ZNF385D: variants seen among roughly 807,000 people sequenced by gnomAD.
ZNF385D encodes zinc finger protein 385D.
ZNF385D carries 15 observed loss-of-function variants against 35.8 expected under a neutral mutation model. That is an observed-to-expected ratio of 0.42 (90% confidence interval 0.28 to 0.64). The LOEUF (loss-of-function observed/expected upper bound fraction) is 0.64, where lower values mean the gene tolerates loss of function less well. Ranked by LOEUF, ZNF385D falls within the 30% of genes least tolerant of loss-of-function variation. The pLI is 0.23. For missense variants in ZNF385D, 474 were observed against 494.6 expected, an observed-to-expected ratio of 0.96 and a Z score of 0.39; for synonymous variants, 212 against 186.8, an observed-to-expected ratio of 1.13 and a Z score of -1.10.
chr3:22,335,016 A>C (rs184323842), intron 2 of ZNF385D, among the ~76,000 whole-genome samples: 1 of 152,318 alleles, frequency 6.6e-6, no homozygotes, highest in Admixed American at 6.5e-5. Context: ...GTAGCATTCT[A>C]TGAGCCAAGT....
chr3:21,472,265 A>G (rs1703941797), intron 4 of ZNF385D, among the ~76,000 whole-genome samples: 1 of 152,180 alleles, frequency 6.6e-6, no homozygotes, highest in African/African-American at 2.4e-5. Flanking sequence ...ATTTAGAAGC[A>G]TAACAAGAAA....
In ZNF385D at chr3:21,444,046, G is replaced by C. The variant is rs182844671; in HGVS notation, c.440-6843C>G. Reference sequence around the variant, plus strand: ...TGAAAAATATTAAGGCAGAAGCAGAGCCCATTTAAAAAATTTAACTTCTGG... The same window carrying C: ...TGAAAAATATTAAGGCAGAAGCAGACCCCATTTAAAAAATTTAACTTCTGG... On this transcript the variant is annotated intron_variant, in intron 4 of 7. Coordinates refer to ENST00000281523, the MANE Select transcript of ZNF385D (RefSeq NM_024697.3). 3.1e-4 allele frequency among the ~76,000 whole-genome samples: 46 copies of C among 150,478 alleles called. 1 individual carries two copies. Among genetic ancestry groups the C allele is most frequent in the South Asian group, 1.3e-3 (6 of 4,724 alleles).
At chr3:21,946,648 A>C (rs1701801790) in intron 3 of ZNF385D, among the ~76,000 whole-genome samples, 1 of 152,058 alleles carries the variant, frequency 6.6e-6, no homozygotes. Context: ...CCTGGCTAAC[A>C]AGGTGAAACT....
At chr3:22,161,745 G>C (rs190828043) in intron 3 of ZNF385D, among the ~76,000 whole-genome samples, 2 of 152,264 alleles carry the variant, frequency 1.3e-5, no homozygotes, top group Admixed American at 6.5e-5. Context: ...TCAGCAGTTA[G>C]AGTTGTTGAT....
chr3:21,699,401 T>G (rs946709271), intron 1 of ZNF385D, among the ~76,000 whole-genome samples: 10 of 152,072 alleles, frequency 6.6e-5, no homozygotes, highest in African/African-American at 2.4e-4. Context: ...GACAGGTTGA[T>G]GGGTGCAGCA....
chr3:22,190,423 C>G (rs923193236), intron 2 of ZNF385D, among the ~76,000 whole-genome samples: 1 of 152,114 alleles, frequency 6.6e-6, no homozygotes, highest in Non-Finnish European at 1.5e-5. Context: ...ACCTTAATTG[C>G]ATTTCAAATG....
intron 1 of ZNF385D, among the ~76,000 whole-genome samples, chr3:21,744,725 C>A (rs1279703041): frequency 6.6e-6 from 1 of 151,986 alleles, no homozygotes; most frequent in Non-Finnish European, 1.5e-5. Context: ...AGAGTTAACA[C>A]CGGCTTTACA....
intron 4 of ZNF385D, among the ~76,000 whole-genome samples, chr3:21,445,995 C>T (rs1172558938): frequency 6.6e-6 from 1 of 152,180 alleles, no homozygotes; most frequent in Non-Finnish European, 1.5e-5. Context: ...CAAAAAGAAT[C>T]CTATTAGTAT....
intron 1 of ZNF385D, among the ~76,000 whole-genome samples, chr3:21,732,116 G>A (rs1158347313): frequency 4.5e-5 from 6 of 132,708 alleles, no homozygotes; most frequent in East Asian, 4.7e-4. Flanking sequence ...GTGCAGTGGC[G>A]CGAGCTCACT....
intron 3 of ZNF385D, among the ~76,000 whole-genome samples, chr3:22,016,221 G>A (rs899280032): frequency 6.6e-6 from 1 of 152,050 alleles, no homozygotes; most frequent in African/African-American, 2.4e-5. Context: ...TGTTTTTGCT[G>A]TCACAGCAAG....
intron 3 of ZNF385D, among the ~76,000 whole-genome samples, chr3:21,544,927 A>G (rs1313091829): frequency 2.0e-5 from 3 of 152,218 alleles, no homozygotes; most frequent in African/African-American, 7.2e-5. Context: ...CAGAAAAGAG[A>G]GGCAAACAGG....
At chr3:21,692,906 A>G (rs1212502119) in intron 1 of ZNF385D, among the ~76,000 whole-genome samples, 3 of 152,184 alleles carry the variant, frequency 2.0e-5, no homozygotes, top group Non-Finnish European at 2.9e-5. Context: ...TTATCCAGAC[A>G]TCTGTCAGCT....
chr3:21,967,163 G>A (rs567008214), intron 3 of ZNF385D, among the ~76,000 whole-genome samples: 2 of 152,074 alleles, frequency 1.3e-5, no homozygotes, highest in Non-Finnish European at 2.9e-5. Flanking sequence ...TGATGTAATG[G>A]TCATTACTTT....
intron 2 of ZNF385D, among the ~76,000 whole-genome samples, chr3:22,302,595 TATTAAA>T (rs749016820): frequency 1.2e-4 from 18 of 152,100 alleles, no homozygotes; most frequent in Admixed American, 2.6e-4. Context: ...TTTGCTCTCC[TATTAAA>T]ATTAAGAATA....
intron 2 of ZNF385D, among the ~76,000 whole-genome samples, chr3:22,288,073 T>C (rs1702117350): frequency 6.6e-6 from 1 of 152,036 alleles, no homozygotes; most frequent in South Asian, 2.1e-4. Flanking sequence ...TATTCTGAAA[T>C]ATCAAACCAC....
At position 21,939,157 on chromosome 3, in the gene ZNF385D, G is replaced by A. The variant is rs191530516; in HGVS notation, c.325+229660C>T. On this transcript the variant is annotated intron_variant, in intron 3 of 5. Coordinates refer to the ZNF385D transcript ENST00000494108. ...TGTCATTACTAGGGCAAGAATGGTG[G>A]TAAAGTCCCTATATTTGCCCACTGA... 2.4e-4 allele frequency among the ~76,000 whole-genome samples: 37 copies of A among 152,248 alleles called. No homozygotes were observed. The East Asian group carries it at 7.1e-3, about 29-fold the overall frequency.
intron 3 of ZNF385D, among the ~76,000 whole-genome samples, chr3:21,531,249 G>A (rs2061915294): frequency 6.6e-6 from 1 of 152,098 alleles, no homozygotes; most frequent in Non-Finnish European, 1.5e-5. Flanking sequence ...CAGAACACTG[G>A]CAACATGAAA....
chr3:21,729,661 G>A (rs764383143), intron 1 of ZNF385D, among the ~76,000 whole-genome samples: 1 of 152,056 alleles, frequency 6.6e-6, no homozygotes, highest in Non-Finnish European at 1.5e-5. Flanking sequence ...GGAAAATCTG[G>A]CTCAAAAAGA....
intron 2 of ZNF385D, among the ~76,000 whole-genome samples, chr3:22,340,040 A>G (rs1695353026): frequency 6.6e-6 from 1 of 152,182 alleles, no homozygotes; most frequent in South Asian, 2.1e-4. Context: ...CATAAAACTC[A>G]GACATTTTCA....
Sources: allele counts gnomAD v4.1 joint callset (sites outside exome capture counted in the v4.1 genomes callset), GRCh38; gene constraint gnomAD v4.1.1; transcripts MANE v1.5; gene names NCBI Gene and HGNC (gene_info 2026-07-23, HGNC 2026-07-21).